The following RGS7 variants were observed in gnomAD, a reference collection of about 807,000 sequenced individuals.
RGS7 encodes regulator of G protein signaling 7, also known as regulator of G-protein signaling 7.
Under a neutral mutation model 81.1 loss-of-function variants are expected in RGS7, and 27 were observed. The ratio of observed to expected loss-of-function variants is 0.33; its 90% confidence interval spans 0.25 to 0.46. The LOEUF (loss-of-function observed/expected upper bound fraction) is 0.46, where lower values mean the gene tolerates loss of function less well. Ranked by LOEUF, RGS7 falls within the 20% of genes least tolerant of loss-of-function variation. The pLI is 1.00. For synonymous variants in RGS7, 208 were observed against 207.7 expected (o/e 1.00, Z -0.01); for missense variants, 396 against 607.4 (o/e 0.65, Z 3.66).
chr1:240,883,306 T>G (rs753144566), intron 6 of RGS7, among the ~76,000 whole-genome samples: 1 of 152,016 alleles, frequency 6.6e-6, no homozygotes, highest in African/African-American at 2.4e-5. Flanking sequence ...GTTGTGCACA[T>G]GTACCCTAAA....
At chr1:240,828,467 G>A (rs1278756460) in intron 9 of RGS7, among the ~76,000 whole-genome samples, 1 of 152,090 alleles carries the variant, frequency 6.6e-6, no homozygotes, top group Non-Finnish European at 1.5e-5. Flanking sequence ...TTTACTTTTG[G>A]TGCAGGATTT....
intron 3 of RGS7, among the ~76,000 whole-genome samples, chr1:241,089,081 A>C (rs1436141380): frequency 6.9e-5 from 7 of 101,878 alleles, no homozygotes; most frequent in Middle Eastern, 4.3e-3. Context: ...ATATATATAT[A>C]TATATATATA....
chr1:241,154,369 A>T (rs2068966631), intron 2 of RGS7, among the ~76,000 whole-genome samples: 1 of 152,164 alleles, frequency 6.6e-6, no homozygotes, highest in African/African-American at 2.4e-5. Flanking sequence ...CTGAGGGGAA[A>T]CGTGTTTGGC....
At chr1:240,802,282 C>A (rs1443973569) in intron 16 of RGS7, among the ~76,000 whole-genome samples, 1 of 152,122 alleles carries the variant, frequency 6.6e-6, no homozygotes, top group Non-Finnish European at 1.5e-5. Context: ...ATATTGATTA[C>A]ATAAGGAGTT....
intron 2 of RGS7, among the ~76,000 whole-genome samples, chr1:241,280,815 A>G (rs2078460106): frequency 6.6e-6 from 1 of 152,208 alleles, no homozygotes; most frequent in Non-Finnish European, 1.5e-5. Flanking sequence ...TGTGTGCAAG[A>G]CTTTTTGTGG....
intron 2 of RGS7, among the ~76,000 whole-genome samples, chr1:241,344,776 A>C (rs2082780559): frequency 6.6e-6 from 1 of 152,242 alleles, no homozygotes; most frequent in African/African-American, 2.4e-5. Flanking sequence ...CATCTGTCAC[A>C]GTAAATCCCT....
chr1:241,343,934 T>C (rs1446734043), intron 2 of RGS7, among the ~76,000 whole-genome samples: 2 of 152,204 alleles, frequency 1.3e-5, no homozygotes, highest in East Asian at 3.9e-4. Context: ...GAAAAGAAAT[T>C]AAAGCACGTT....
intron 2 of RGS7, among the ~76,000 whole-genome samples, chr1:241,238,129 T>C (rs528352626): frequency 6.6e-6 from 1 of 152,236 alleles, no homozygotes; most frequent in Non-Finnish European, 1.5e-5. Flanking sequence ...CAGTGAAGCA[T>C]GCAAAGTGCT....
chr1:240,826,072 C>A (rs1308389506), intron 10 of RGS7, among the ~76,000 whole-genome samples: 1 of 152,146 alleles, frequency 6.6e-6, no homozygotes, highest in African/African-American at 2.4e-5. Context: ...GTGCTGTGAG[C>A]AGAGGATGAA....
chr1:240,921,532 AAAC>A (rs1032366679), intron 6 of RGS7, among the ~76,000 whole-genome samples: 21 of 152,222 alleles, frequency 1.4e-4, no homozygotes, highest in East Asian at 3.9e-4. Flanking sequence ...AATCTCAAAG[AAAC>A]AACAACAACA....
At chr1:241,052,804 T>G (rs2148811589) in intron 3 of RGS7, among the ~76,000 whole-genome samples, 1 of 152,256 alleles carries the variant, frequency 6.6e-6, no homozygotes, top group East Asian at 1.9e-4. Flanking sequence ...TGCTTTTTTT[T>G]TTTGACAGAA....
At chr1:240,851,459 T>C (rs951855074) in intron 9 of RGS7, among the ~76,000 whole-genome samples, 1 of 152,238 alleles carries the variant, frequency 6.6e-6, no homozygotes, top group African/African-American at 2.4e-5. Context: ...CTGATGGAGA[T>C]GTACAAGGAG....
chr1:241,068,896 ACTGTTGTTGCAATAGGAAGGGAGTT>A (rs2148860748), intron 3 of RGS7, among the ~76,000 whole-genome samples: 1 of 152,110 alleles, frequency 6.6e-6, no homozygotes, highest in East Asian at 1.9e-4. Flanking sequence ...TCCCCTTGGT[ACTGTTGTTGCAATAGGAAGGGAGTT>A]CTCATGAGAT....
intron 3 of RGS7, among the ~76,000 whole-genome samples, chr1:241,039,246 T>C (rs1277757450): frequency 1.3e-5 from 2 of 152,212 alleles, no homozygotes; most frequent in Non-Finnish European, 2.9e-5. Context: ...TGGAATTTAT[T>C]AGTGTGCTTA....
chr1:241,113,056 C>A (rs1166781070), intron 2 of RGS7, among the ~76,000 whole-genome samples: 1 of 152,114 alleles, frequency 6.6e-6, no homozygotes, highest in East Asian at 1.9e-4. Flanking sequence ...GAATGGTGGA[C>A]GAATTCATAC....
At chr1:240,908,557 C>T (rs1364248499) in intron 6 of RGS7, among the ~76,000 whole-genome samples, 2 of 152,126 alleles carry the variant, frequency 1.3e-5, no homozygotes, top group Non-Finnish European at 2.9e-5. Flanking sequence ...TGCTCTTACA[C>T]TGACACTGTC....
At chr1:240,875,756 T>C (rs547993303) in intron 6 of RGS7, among the ~76,000 whole-genome samples, 1 of 152,248 alleles carries the variant, frequency 6.6e-6, no homozygotes, top group Non-Finnish European at 1.5e-5. Flanking sequence ...TATCTCACTG[T>C]GGTTCTGATT....
chr1:241,125,217 C>T (rs1307399698), intron 2 of RGS7, among the ~76,000 whole-genome samples: 1 of 152,140 alleles, frequency 6.6e-6, no homozygotes, highest in East Asian at 1.9e-4. Flanking sequence ...TCTGGGCCTG[C>T]ACCATGCAGA....
chr1:241,270,851 C>T (rs551875276), intron 2 of RGS7, among the ~76,000 whole-genome samples: 2 of 151,938 alleles, frequency 1.3e-5, no homozygotes, highest in Non-Finnish European at 2.9e-5. Flanking sequence ...TTCCGCCTCC[C>T]GGGTTCACAC....
Sources: allele counts gnomAD v4.1 joint callset (sites outside exome capture counted in the v4.1 genomes callset), GRCh38; gene constraint gnomAD v4.1.1; transcripts MANE v1.5; gene names NCBI Gene and HGNC (gene_info 2026-07-23, HGNC 2026-07-21).